EDEM3: variants seen among roughly 807,000 people sequenced by gnomAD.
EDEM3 encodes the protein ER degradation-enhancing alpha-mannosidase-like protein 3.
A neutral mutation model predicts 110.2 loss-of-function variants in EDEM3; 60 were observed. That is an observed-to-expected ratio of 0.54 (90% CI 0.44 to 0.67). The LOEUF (loss-of-function observed/expected upper bound fraction) is 0.67, where lower values mean the gene tolerates loss of function less well. Ranked by LOEUF, EDEM3 falls within the 30% of genes least tolerant of loss-of-function variation. The probability of loss-of-function intolerance (pLI) is 0.00; values close to 1 mark genes in which losing one functional copy is unlikely to be tolerated. For missense variants in EDEM3, 996 were observed against 1,121.0 expected (o/e 0.89, Z 1.59); for synonymous variants, 352 against 382.9 (o/e 0.92, Z 0.94).
At chr1:184,746,452 T>C (rs531246066) in intron 2 of EDEM3, among the ~76,000 whole-genome samples, 4 of 152,334 alleles carry the variant, frequency 2.6e-5, no homozygotes, top group African/African-American at 7.2e-5. Flanking sequence ...ATGATAGTAG[T>C]AGTCGTTATC....
chr1:184,749,459 T>A, intron 2 of EDEM3, 88 bp downstream of exon 2: 1 of 1,019,624 alleles, frequency 9.8e-7, no homozygotes, highest in Non-Finnish European at 1.4e-6. Flanking sequence ...AATGTAATTG[T>A]ATTGTAGGTT....
chr1:184,702,921 AT>A lies in EDEM3; in HGVS notation c.2278del (p.Ile760SerfsTer26), dbSNP rs770192729. The part of the protein sequence containing the change: ...MAGDGKDTDD[I>X]KIPMLFLFSK... ...GAATAAGAACAGCATGGGGATCTTG[AT>A]GTCATCTGTATCCTTTCCATCACCT... On this transcript the variant is annotated frameshift_variant, in exon 19 of 20. Coordinates refer to ENST00000318130, the MANE Select transcript of EDEM3 (RefSeq NM_025191.4). LOFTEE classifies it high-confidence loss of function. 1 of 1,613,706 alleles carries A rather than the reference AT, an allele frequency of 6.2e-7. No individual in the cohort carries two copies. Among genetic ancestry groups the A allele is most frequent in the Non-Finnish European group, 8.5e-7 (1 of 1,179,790 alleles).
chr1:184,717,499 T>C, intron 12 of EDEM3, 41 bp downstream of exon 12: 3 of 1,518,618 alleles, frequency 2.0e-6, no homozygotes, highest in Non-Finnish European at 2.7e-6. Context: ...CAACAGAGAA[T>C]GGAGGCTAAA....
chr1:184,695,488 C>T (rs1318442455), intron 19 of EDEM3, among the ~76,000 whole-genome samples: 1 of 152,028 alleles, frequency 6.6e-6, no homozygotes, highest in Non-Finnish European at 1.5e-5. Flanking sequence ...ATAACTGACA[C>T]ACATCCTCCC....
intron 2 of EDEM3, among the ~76,000 whole-genome samples, chr1:184,748,816 C>G (rs1652590453): frequency 6.6e-6 from 1 of 152,212 alleles, no homozygotes; most frequent in African/African-American, 2.4e-5. Context: ...ACTTTCCCAA[C>G]TACATTTTAT....
intron 19 of EDEM3, among the ~76,000 whole-genome samples, chr1:184,696,574 G>GT (rs905561552): frequency 6.6e-5 from 10 of 151,594 alleles, no homozygotes; most frequent in Middle Eastern, 3.4e-3. Flanking sequence ...CATTCTTAGG[G>GT]TTTTTTTTCC....
rs1211703194 is a variant in EDEM3, at chr1:184,732,073, G to A, written c.612+764C>T. Reference sequence around the variant, plus strand: ...TGCCTGTAGTCCCAGCTACTCGGGAGGCTGAGGCAGGAGAATGGCGTGAAC... The same window carrying A: ...TGCCTGTAGTCCCAGCTACTCGGGAAGCTGAGGCAGGAGAATGGCGTGAAC... On this transcript the variant is annotated intron_variant, in intron 6 of 19. Coordinates refer to ENST00000318130, the MANE Select transcript of EDEM3 (RefSeq NM_025191.4). Among the ~76,000 whole-genome samples, 6 of 152,258 alleles carry A rather than the reference G, an allele frequency of 3.9e-5. No homozygotes were observed. In the East Asian group the frequency reaches 9.7e-4, roughly 25 times the overall value.
chr1:184,739,458 C>A (rs1343220550), intron 2 of EDEM3, among the ~76,000 whole-genome samples: 3 of 151,154 alleles, frequency 2.0e-5, no homozygotes, highest in East Asian at 3.9e-4. Context: ...TTCTGGAGAA[C>A]TTTGATATTT....
intron 19 of EDEM3, among the ~76,000 whole-genome samples, chr1:184,700,637 G>C (rs562131929): frequency 6.6e-6 from 1 of 152,040 alleles, no homozygotes; most frequent in African/African-American, 2.4e-5. Flanking sequence ...TTGAATATTT[G>C]GAGCAGGACT....
At chr1:184,728,702 C>A (rs1651331414) in intron 6 of EDEM3, among the ~76,000 whole-genome samples, 1 of 151,848 alleles carries the variant, frequency 6.6e-6, no homozygotes, top group African/African-American at 2.4e-5. Flanking sequence ...CTCCACCTCC[C>A]GGGTTCAAGC....
At chr1:184,711,615 T>G in intron 15 of EDEM3, 108 bp downstream of exon 15, 1 of 925,798 alleles carries the variant, frequency 1.1e-6, no homozygotes, top group South Asian at 2.7e-5. Context: ...CTCAACATTT[T>G]CGGCCTATGT....
chr1:184,744,610 G>A (rs1571420232), intron 2 of EDEM3, among the ~76,000 whole-genome samples: 1 of 151,820 alleles, frequency 6.6e-6, no homozygotes, highest in African/African-American at 2.4e-5. Flanking sequence ...TGCACTCACA[G>A]GTTGACAGCA....
chr1:184,742,119 G>C (rs1185905170), intron 2 of EDEM3, among the ~76,000 whole-genome samples: 1 of 152,022 alleles, frequency 6.6e-6, no homozygotes, highest in Admixed American at 6.6e-5. Context: ...ATACAGACTA[G>C]TGGCCAGGAA....
chr1:184,701,674 G>C, intron 19 of EDEM3: 1 of 498,152 alleles, frequency 2.0e-6, no homozygotes, highest in South Asian at 2.2e-5. Context: ...TCTGAGTTTA[G>C]AAAAGGGCCC....
Position 184,737,660 on chromosome 1 carries a change from C to T in EDEM3, c.256G>A (p.Val86Ile). 6.2e-7 allele frequency: 1 copy of T among 1,614,074 alleles called. No individual in the cohort carries two copies. Reference protein sequence around the residue: ...ELMPLTCRGRVRGQEPSRGDV... With the variant: ...ELMPLTCRGRIRGQEPSRGDV... ...CCGCGACTTGGCTCTTGGCCTCTAA[C>T]TCGACCTCTACAGGTTAAAGGCATG... is the stretch of plus-strand genomic sequence containing the variant. Residue 86 changes from valine (V) to isoleucine (I), a missense_variant, in exon 3 of 20, where the codon GTT (valine) becomes ATT (isoleucine). By Grantham distance (29) the Val-to-Ile change is conservative. Transcript: ENST00000318130.
At chr1:184,712,083 C>T (rs754059563) in intron 14 of EDEM3, among the ~76,000 whole-genome samples, 6 of 151,962 alleles carry the variant, frequency 3.9e-5, no homozygotes, top group South Asian at 2.1e-4. Flanking sequence ...CCCACTACCA[C>T]GCCCAGCTAA....
intron 7 of EDEM3, among the ~76,000 whole-genome samples, chr1:184,724,214 A>G (rs555678112): frequency 4.6e-5 from 7 of 152,196 alleles, no homozygotes; most frequent in African/African-American, 1.7e-4. Flanking sequence ...TACATAATTG[A>G]TATACTTGTT....
chr1:184,754,374 A>C, intron 1 of EDEM3, 115 bp downstream of exon 1: 13 of 1,488,484 alleles, frequency 8.7e-6, no homozygotes, highest in Admixed American at 2.2e-5. Flanking sequence ...TCGCGCGGGA[A>C]GAGCCGTTCC....
intron 15 of EDEM3, among the ~76,000 whole-genome samples, chr1:184,711,328 G>A (rs1042410103): frequency 2.6e-5 from 4 of 152,084 alleles, no homozygotes; most frequent in African/African-American, 9.7e-5. Context: ...TCGAACTCCT[G>A]ACCTCAGGTG....
Sources: gnomAD v4.1 joint callset for allele counts (sites outside exome capture counted in the v4.1 genomes callset) on GRCh38, gnomAD v4.1.1 for gene constraint, MANE v1.5 for transcripts, NCBI Gene and HGNC (gene_info 2026-07-23, HGNC 2026-07-21) for gene names.